Variants in NPC1 observed in about 807,000 individuals in gnomAD.
The protein encoded by NPC1 is NPC intracellular cholesterol transporter 1.
Under a neutral mutation model 140.4 loss-of-function variants are expected in NPC1, and 85 were observed. That is an observed-to-expected ratio of 0.61 (90% CI 0.51 to 0.72). NPC1 has a LOEUF of 0.72. NPC1 is among the 30% of genes least tolerant of loss of function. NPC1 has a pLI of 0.00. For missense variants in NPC1, 1,504 were observed against 1,623.8 expected, an observed-to-expected ratio of 0.93 and a Z score of 1.27; for synonymous variants, 656 against 624.8, an observed-to-expected ratio of 1.05 and a Z score of -0.74.
chr18:23,543,702 A>AT (rs1205988360), intron 13 of NPC1, 133 bp from the exon 14 acceptor site: 1 of 657,938 alleles, frequency 1.5e-6, no homozygotes, highest in Non-Finnish European at 2.7e-6. Context: ...CTAAGCATAT[A>AT]AACTTCGGTG....
chr18:23,562,091 C>A (rs1339846499), intron 4 of NPC1, among the ~76,000 whole-genome samples: 1 of 152,128 alleles, frequency 6.6e-6, no homozygotes, highest in Non-Finnish European at 1.5e-5. Context: ...AGATGGAGAC[C>A]AACCTGGCTA....
intron 1 of NPC1, among the ~76,000 whole-genome samples, chr18:23,523,971 C>T (rs1013469802): frequency 2.0e-5 from 3 of 152,142 alleles, no homozygotes; most frequent in East Asian, 1.9e-4. Context: ...CCTCCCCGTA[C>T]GTGCTTTCAG....
chr18:23,556,974 G>C (rs1403837829), intron 7 of NPC1, 143 bp downstream of exon 7: 2 of 762,650 alleles, frequency 2.6e-6, no homozygotes, highest in Non-Finnish European at 4.6e-6. Flanking sequence ...ACAAAGGCAA[G>C]GACCATGTCT....
At chr18:23,549,847 T>C (rs1440238443) in intron 10 of NPC1, among the ~76,000 whole-genome samples, 1 of 151,592 alleles carries the variant, frequency 6.6e-6, no homozygotes, top group African/African-American at 2.4e-5. Flanking sequence ...ATTCAAGTGA[T>C]TCTCCTGCCT....
chr18:23,575,088 G>T (rs539266728), intron 1 of NPC1, among the ~76,000 whole-genome samples: 1 of 152,300 alleles, frequency 6.6e-6, no homozygotes, highest in Admixed American at 6.5e-5. Flanking sequence ...CCAGGGATTG[G>T]CCTGTCTCTG....
At chr18:23,519,220 C>A, downstream of NPC1, 1 of 1,563,350 alleles carries the variant, frequency 6.4e-7, no homozygotes, top group Non-Finnish European at 8.8e-7. Flanking sequence ...TGCTTAAAAG[C>A]CTTGTGAAAA....
At position 23,535,140 on chromosome 18, in the gene NPC1, G is replaced by C. The variant is rs1323877038; in HGVS notation, c.3477+329C>G. Among the ~76,000 whole-genome samples the C allele has an allele frequency of 2.0e-5, 3 of 152,182 alleles. No individual in the cohort carries two copies. In the East Asian group the frequency reaches 5.8e-4, roughly 29 times the overall value. On this transcript the variant is annotated intron_variant, in intron 22 of 24. Coordinates refer to ENST00000269228, the MANE Select transcript of NPC1 (RefSeq NM_000271.5). ...TTACAGGCAGACTAGCCCAGAACTA[G>C]GCCAGGAAATCACATTTCCATGGTC...
intron 9 of NPC1, 117 bp downstream of exon 9, chr18:23,554,641 G>T: frequency 1.3e-6 from 1 of 762,296 alleles, no homozygotes. Context: ...AACTTCACAG[G>T]GCAAGGTCTT....
intron 11 of NPC1, among the ~76,000 whole-genome samples, chr18:23,545,634 T>C (rs2058779057): frequency 6.6e-6 from 1 of 152,224 alleles, no homozygotes; most frequent in Non-Finnish European, 1.5e-5. Flanking sequence ...CTCTGTTGCC[T>C]CGGCTGGAGT....
At chr18:23,551,769 T>C in intron 9 of NPC1, 42 bp from the exon 10 acceptor site, 2 of 1,312,518 alleles carry the variant, frequency 1.5e-6, no homozygotes, top group Non-Finnish European at 2.2e-6. Flanking sequence ...TAGAAGGGCC[T>C]CAAGACATCA....
At position 23,536,654 on chromosome 18, in the gene NPC1, G is replaced by A; in HGVS notation, c.3245+19C>T. On this transcript the variant is annotated intron_variant, in intron 21 of 24. Coordinates refer to ENST00000269228, the MANE Select transcript of NPC1 (RefSeq NM_000271.5). Reference sequence around the variant, plus strand: ...GGCCCTTTGCTGGGTAAACCCCATTGAAAAAGGGCAGGCTTTACCTGTAAG... The same window carrying A: ...GGCCCTTTGCTGGGTAAACCCCATTAAAAAAGGGCAGGCTTTACCTGTAAG... 1 of 1,608,330 alleles carries A rather than the reference G, an allele frequency of 6.2e-7. No individual in the cohort carries two copies.
intron 2 of NPC1, 49 bp downstream of exon 2, chr18:23,573,403 T>TC: frequency 6.2e-7 from 1 of 1,612,968 alleles, no homozygotes; most frequent in Non-Finnish European, 8.5e-7. Flanking sequence ...TTACAGAGGA[T>TC]CTTGTGATCA....
intron 11 of NPC1, among the ~76,000 whole-genome samples, 183 bp downstream of exon 11, chr18:23,547,823 A>C (rs887300910): frequency 6.6e-6 from 1 of 152,254 alleles, no homozygotes; most frequent in African/African-American, 2.4e-5. Context: ...AGCTGTTTAA[A>C]GCACCTGCTC....
chr18:23,520,711 C>G (rs1040452819), downstream of NPC1, among the ~76,000 whole-genome samples: 6 of 152,092 alleles, frequency 3.9e-5, no homozygotes, highest in African/African-American at 1.4e-4. Context: ...TCTCGGCTCA[C>G]TGCAACCTCC....
rs2058951964 is a variant in NPC1 at position 23,556,420 on chromosome 18, G to A, written c.1149C>T (p.Ala383=). ...VTTNPVDLWS[A]PSSQARLEKE... ...TTTCCAGGCGAGCCTGGCTGCTGGG[G>A]GCTGACCAGAGGTCAACTGGATTGG... The change falls in exon 8 of 25, where the codon GCC becomes GCT. Residue 383 remains alanine, a synonymous_variant. Transcript: ENST00000269228. 4 of 1,614,132 alleles carry A rather than the reference G, an allele frequency of 2.5e-6. No homozygotes were observed. Among genetic ancestry groups the A allele is most frequent in the Non-Finnish European group, 3.4e-6 (4 of 1,180,000 alleles).
chr18:23,561,497 G>A lies in NPC1; in HGVS notation c.494C>T (p.Ala165Val), dbSNP rs1555638953. The change falls in exon 5 of 25, where the codon GCC (alanine) becomes GTC (valine). Residue 165 changes from alanine to valine, a missense_variant. Coordinates refer to ENST00000269228, the MANE Select transcript of NPC1 (RefSeq NM_000271.5). ...AMYNACRDVE[A>V]PSSNDKALGL... ...CAGGGCCTTGTCATTACTTGAGGGG[G>A]CCTCCACATCCCGGCAGGCATTGTA... 10 of 1,614,092 alleles carry A rather than the reference G, an allele frequency of 6.2e-6. No homozygotes were observed. Among genetic ancestry groups the A allele is most frequent in the South Asian group, 1.1e-5 (1 of 91,074 alleles).
Position 23,568,966 on chromosome 18 carries a change from A to G in NPC1, c.320T>C (p.Leu107Pro). The change falls in exon 4 of 25, where the codon CTG (leucine) becomes CCG (proline). Residue 107 changes from leucine to proline, a missense_variant. Physicochemically the swap from Leu to Pro is moderately conservative, Grantham distance 98. Coordinates refer to ENST00000269228, the MANE Select transcript of NPC1 (RefSeq NM_000271.5). ...AGGGCTACATGTCAGCTCACAAAAC[A>G]GGTTCAGTAGGTTATAAAAACAGGA... ...CPSCFYNLLNLFCELTCSPRQ... is the reference protein window; with the variant it reads ...CPSCFYNLLNPFCELTCSPRQ... 1 of 1,613,952 alleles carries G rather than the reference A, an allele frequency of 6.2e-7. No individual in the cohort carries two copies. Among genetic ancestry groups the G allele is most frequent in the Non-Finnish European group, 8.5e-7 (1 of 1,179,926 alleles).
chr18:23,547,979 G>A (rs759743508), intron 11 of NPC1, 27 bp downstream of exon 11: 4 of 1,284,622 alleles, frequency 3.1e-6, no homozygotes, highest in South Asian at 2.4e-5. Flanking sequence ...TGCAAGGACA[G>A]TCTGCTCACA....
At position 23,544,984 on chromosome 18, in the gene NPC1, G is replaced by A. The variant is rs758222159; in HGVS notation, c.1923C>T (p.His641=). ...MFLYISLALG[H]MKSCRRLLVD... ...CCAGAAGCCTGCGACAGCTTTTCAT[G>A]TGCCCCAAGGCTAGGGAAATATATA... is the stretch of plus-strand genomic sequence containing the variant. Residue 641 remains histidine, a synonymous_variant, in exon 12 of 25, where the codon CAC becomes CAT. Coordinates refer to ENST00000269228, the MANE Select transcript of NPC1 (RefSeq NM_000271.5). 3 of 1,461,444 alleles carry A rather than the reference G, an allele frequency of 2.1e-6. No individual in the cohort carries two copies. The highest frequency in any genetic ancestry group is 2.4e-5 in the East Asian group (1 of 41,212). 90.5% of individuals were successfully genotyped at this position (1,461,444 alleles called of 1,614,324 possible).
Sources: allele counts gnomAD v4.1 joint callset (sites outside exome capture counted in the v4.1 genomes callset), GRCh38; gene constraint gnomAD v4.1.1; transcripts MANE v1.5; gene names NCBI Gene and HGNC (gene_info 2026-07-23, HGNC 2026-07-21).